Variants in SLC14A2 observed in about 807,000 individuals in gnomAD.
The protein encoded by SLC14A2 is urea transporter 2.
In SLC14A2, 91 loss-of-function variants were observed where a neutral mutation model predicts 104.6. That is an observed-to-expected ratio of 0.87 (90% confidence interval 0.73 to 1.04). The LOEUF is 1.04. Ranked by LOEUF, SLC14A2 falls within the 50% of genes least tolerant of loss-of-function variation. SLC14A2 has a pLI of 0.00. For synonymous variants in SLC14A2, 476 were observed against 466.4 expected, an observed-to-expected ratio of 1.02 and a Z score of -0.27; for missense variants, 1,189 against 1,156.0, an observed-to-expected ratio of 1.03 and a Z score of -0.41.
chr18:45,498,367 G>C (rs2043136113), intron 2 of SLC14A2, among the ~76,000 whole-genome samples: 1 of 152,190 alleles, frequency 6.6e-6, no homozygotes, highest in Non-Finnish European at 1.5e-5. Flanking sequence ...AGTGCCTGAA[G>C]CTGGGAAATA....
chr18:45,438,063 A>AG (rs1018374036), intron 1 of SLC14A2: 1 of 151,992 alleles, frequency 6.6e-6, no homozygotes, highest in African/African-American at 2.4e-5. Context: ...CTGAAACTGT[A>AG]GAAGGGAACA....
At chr18:45,569,317 A>G (rs2044313233) in intron 2 of SLC14A2, among the ~76,000 whole-genome samples, 1 of 152,184 alleles carries the variant, frequency 6.6e-6, no homozygotes, top group Non-Finnish European at 1.5e-5. Flanking sequence ...AATGCTCTCA[A>G]CTATCTCCCT....
chr18:45,678,399 G>A (rs16978444), intron 18 of SLC14A2, among the ~76,000 whole-genome samples: 3,459 of 152,246 alleles, frequency 0.023, 82 homozygotes, highest in African/African-American at 0.062. Context: ...CTCTCAGCGA[G>A]AAATGAAGGG....
chr18:45,652,717 T>C (rs187366673), intron 10 of SLC14A2, among the ~76,000 whole-genome samples: 152 of 152,308 alleles, frequency 1.0e-3, no homozygotes, highest in Admixed American at 2.5e-3. Flanking sequence ...AATTGATCTC[T>C]TGAAGAGCCC....
chr18:45,407,733 T>A (rs6507615), intron 1 of SLC14A2, among the ~76,000 whole-genome samples: 4 of 151,906 alleles, frequency 2.6e-5, no homozygotes, highest in Non-Finnish European at 4.4e-5. Flanking sequence ...CTGTTGTATC[T>A]CAGGGATTAA....
At chr18:45,337,329 G>T (rs1437209814) in intron 1 of SLC14A2, among the ~76,000 whole-genome samples, 1 of 152,184 alleles carries the variant, frequency 6.6e-6, no homozygotes, top group African/African-American at 2.4e-5. Context: ...GAAGTAAAAG[G>T]TAGAAGAGGG....
chr18:45,512,698 C>T (rs541103674), intron 2 of SLC14A2, among the ~76,000 whole-genome samples: 23 of 152,114 alleles, frequency 1.5e-4, no homozygotes, highest in African/African-American at 4.3e-4. Flanking sequence ...ATTTTCTTCA[C>T]GGCAGCCTCC....
chr18:45,373,416 G>T (rs1352608687), intron 1 of SLC14A2, among the ~76,000 whole-genome samples: 1 of 152,120 alleles, frequency 6.6e-6, no homozygotes, highest in African/African-American at 2.4e-5. Flanking sequence ...TGCAGTTATT[G>T]CCCCAGATAC....
intron 1 of SLC14A2, among the ~76,000 whole-genome samples, chr18:45,440,130 CA>C (rs529618161): frequency 7.2e-5 from 11 of 152,036 alleles, no homozygotes; most frequent in Admixed American, 3.3e-4. Flanking sequence ...CTGGCTCTTC[CA>C]AAGGAGTATG....
chr18:45,235,437 T>C (rs1009745273), intron 1 of SLC14A2, among the ~76,000 whole-genome samples: 2 of 152,188 alleles, frequency 1.3e-5, no homozygotes, highest in African/African-American at 4.8e-5. Flanking sequence ...AAAAATCTTC[T>C]TTTCTAGCTA....
At position 45,380,562 on chromosome 18, in the gene SLC14A2, T is replaced by TA. The variant is rs1307904919; in HGVS notation, c.-124-102664dup. ...AGTGAGAATGAGAATCTGCAACTAG[T>TA]AAAAAAAGTGGAATGCATTCATTCT... is the stretch of plus-strand genomic sequence containing the variant. On this transcript the variant is annotated intron_variant, in intron 1 of 20. Transcript: ENST00000586448. Among the ~76,000 whole-genome samples, 7 of 152,246 alleles carry TA rather than the reference T, an allele frequency of 4.6e-5. No homozygotes were observed. In the East Asian group the frequency reaches 5.8e-4, roughly 13 times the overall value.
chr18:45,461,855 A>T (rs2542992), intron 1 of SLC14A2, among the ~76,000 whole-genome samples: 129,680 of 152,234 alleles, frequency 0.85, 55,269 homozygotes, highest in South Asian at 0.93. Context: ...TTCTTCGTAA[A>T]TACTGTGAAT....
intron 10 of SLC14A2, among the ~76,000 whole-genome samples, chr18:45,648,391 G>A (rs1383042922): frequency 6.6e-6 from 1 of 151,844 alleles, no homozygotes; most frequent in African/African-American, 2.4e-5. Flanking sequence ...ATTTTTAGTA[G>A]AGATGGGGTT....
intron 1 of SLC14A2, among the ~76,000 whole-genome samples, chr18:45,393,405 C>T (rs1228683685): frequency 1.3e-5 from 2 of 152,142 alleles, no homozygotes; most frequent in Non-Finnish European, 2.9e-5. Flanking sequence ...TCCTCTCCAG[C>T]CCAAGTTTAT....
chr18:45,389,566 G>A (rs909961006), intron 1 of SLC14A2, among the ~76,000 whole-genome samples: 9 of 152,162 alleles, frequency 5.9e-5, no homozygotes, highest in African/African-American at 1.9e-4. Flanking sequence ...CTTGGATTAA[G>A]TTAATAGGTT....
At chr18:45,189,179 G>A in the SLC14A2 span, among the ~76,000 whole-genome samples, 1 of 152,168 alleles carries the variant, frequency 6.6e-6, no homozygotes, top group South Asian at 2.1e-4. Flanking sequence ...TATTATAGGG[G>A]ACTGGAAGTA....
chr18:45,221,387 C>T (rs943150069), intron 1 of SLC14A2, among the ~76,000 whole-genome samples: 5 of 152,148 alleles, frequency 3.3e-5, no homozygotes, highest in Non-Finnish European at 5.9e-5. Context: ...AGGGGAAAGC[C>T]TCTAATTGGC....
chr18:45,216,550 C>A (rs1200719605), intron 1 of SLC14A2, among the ~76,000 whole-genome samples: 1 of 152,094 alleles, frequency 6.6e-6, no homozygotes, highest in Non-Finnish European at 1.5e-5. Flanking sequence ...ATTTTTTATT[C>A]TTCTCATCTA....
At chr18:45,364,071 G>A (rs375673815) in intron 1 of SLC14A2, among the ~76,000 whole-genome samples, 59 of 152,120 alleles carry the variant, frequency 3.9e-4, no homozygotes, top group Middle Eastern at 3.4e-3. Context: ...AAGCTTTCCC[G>A]TCTCACCTGA....
Sources: allele counts gnomAD v4.1 joint callset (sites outside exome capture counted in the v4.1 genomes callset), GRCh38; gene constraint gnomAD v4.1.1; transcripts MANE v1.5; gene names NCBI Gene and HGNC (gene_info 2026-07-23, HGNC 2026-07-21).